MAN1A2: variants seen among roughly 807,000 people sequenced by gnomAD.
MAN1A2 encodes the protein mannosyl-oligosaccharide 1,2-alpha-mannosidase IB.
MAN1A2 carries 26 observed loss-of-function variants against 75.7 expected under a neutral mutation model. That is an observed-to-expected ratio of 0.34 (90% CI 0.25 to 0.48). MAN1A2 has a LOEUF of 0.48. MAN1A2 is among the 20% of genes least tolerant of loss of function. The pLI is 0.99. For synonymous variants in MAN1A2, 247 were observed against 264.6 expected (o/e 0.93, Z 0.65); for missense variants, 562 against 775.5 (o/e 0.72, Z 3.27).
intron 1 of MAN1A2, among the ~76,000 whole-genome samples, chr1:117,376,714 C>T (rs1653157705): frequency 1.3e-5 from 2 of 152,206 alleles, no homozygotes; most frequent in South Asian, 4.1e-4. Flanking sequence ...ACAGTTGGCC[C>T]TCTGTATCCA....
chr1:117,421,122 A>T (rs903581062), intron 5 of MAN1A2, among the ~76,000 whole-genome samples: 3 of 152,086 alleles, frequency 2.0e-5, no homozygotes, highest in African/African-American at 4.8e-5. Context: ...TACAGAACAC[A>T]TGGAGACACT....
At chr1:117,494,163 C>T (rs1205977648) in intron 9 of MAN1A2, 4 of 152,040 alleles carry the variant, frequency 2.6e-5, no homozygotes, top group African/African-American at 9.7e-5. Flanking sequence ...GCTGCCGAGC[C>T]AGTGTTTTTA....
intron 6 of MAN1A2, among the ~76,000 whole-genome samples, chr1:117,446,321 A>G (rs1649235120): frequency 6.6e-6 from 1 of 151,548 alleles, no homozygotes; most frequent in African/African-American, 2.4e-5. Context: ...TATTGGAGCT[A>G]CTTTGCTCTT....
intron 1 of MAN1A2, among the ~76,000 whole-genome samples, chr1:117,395,542 C>T (rs1337239172): frequency 1.3e-5 from 2 of 152,106 alleles, no homozygotes; most frequent in African/African-American, 2.4e-5. Flanking sequence ...TGCCCTTGCT[C>T]TTCAAGGATC....
chr1:117,385,080 A>G (rs1653481173), intron 1 of MAN1A2, among the ~76,000 whole-genome samples: 1 of 152,228 alleles, frequency 6.6e-6, no homozygotes. Flanking sequence ...TCAGTGGAAC[A>G]GCCTATGAGG....
At chr1:117,434,852 G>C (rs961013482) in intron 5 of MAN1A2, among the ~76,000 whole-genome samples, 9 of 151,000 alleles carry the variant, frequency 6.0e-5, no homozygotes, top group African/African-American at 1.9e-4. Context: ...TGGCACCTTG[G>C]ACTAAGATGG....
At chr1:117,472,023 G>T (rs1650176846) in intron 8 of MAN1A2, among the ~76,000 whole-genome samples, 1 of 151,854 alleles carries the variant, frequency 6.6e-6, no homozygotes, top group African/African-American at 2.4e-5. Flanking sequence ...ATATAATACG[G>T]ATCTGGATCT....
In MAN1A2 at chr1:117,427,217, GC is replaced by G. The variant is rs201359775; in HGVS notation, c.855+6569del. 7.5e-3 allele frequency among the ~76,000 whole-genome samples: 1,147 copies of G among 152,098 alleles called. 7 individuals carry two copies. The highest frequency in any genetic ancestry group is 0.026 in the African/African-American group (1,091 of 41,486). ...CTGTTCTAAGGTAACCCAGATACTG[GC>G]ATTAGTTGACAAGGATGTTAAAGCA... On this transcript the variant is annotated intron_variant, in intron 5 of 12. Transcript: ENST00000356554.
At chr1:117,512,975 A>T (rs1380757138) in intron 12 of MAN1A2, among the ~76,000 whole-genome samples, 13 of 152,164 alleles carry the variant, frequency 8.5e-5, no homozygotes, top group African/African-American at 3.1e-4. Flanking sequence ...TAGTCTTTTT[A>T]AAAAAACTTT....
intron 3 of MAN1A2, among the ~76,000 whole-genome samples, chr1:117,410,594 C>T (rs1647775659): frequency 6.7e-6 from 1 of 149,570 alleles, no homozygotes; most frequent in African/African-American, 2.5e-5. Context: ...GAGATCCTAG[C>T]CAGTGCACTA....
intron 2 of MAN1A2, among the ~76,000 whole-genome samples, chr1:117,403,484 A>G (rs1647509831): frequency 6.6e-6 from 1 of 152,102 alleles, no homozygotes; most frequent in Non-Finnish European, 1.5e-5. Context: ...GTACTGAAAT[A>G]CTTTTTTCAA....
chr1:117,408,229 T>G (rs1228290179), intron 3 of MAN1A2, among the ~76,000 whole-genome samples: 1 of 149,040 alleles, frequency 6.7e-6, no homozygotes, highest in Non-Finnish European at 1.5e-5. Flanking sequence ...TGGGGCACCA[T>G]GATCATGATG....
At chr1:117,394,681 G>A (rs1653850994) in intron 1 of MAN1A2, among the ~76,000 whole-genome samples, 1 of 152,158 alleles carries the variant, frequency 6.6e-6, no homozygotes, top group South Asian at 2.1e-4. Context: ...AATGATCAGA[G>A]GCCTGTTGGT....
rs1650140101 is a variant in MAN1A2 at position 117,471,110 on chromosome 1, T to G, written c.1168+4683T>G. Among the ~76,000 whole-genome samples the G allele has an allele frequency of 2.6e-5, 4 of 151,806 alleles. No individual in the cohort carries two copies. The South Asian group carries it at 8.3e-4, about 31-fold the overall frequency. Reference sequence around the variant, plus strand: ...TTTAATGATTAAAGTGAAGAAAATATAGGAAATCAGTCATTACTGATTCAT... The same window carrying G: ...TTTAATGATTAAAGTGAAGAAAATAGAGGAAATCAGTCATTACTGATTCAT... On this transcript the variant is annotated intron_variant, in intron 8 of 12. Coordinates refer to ENST00000356554, the MANE Select transcript of MAN1A2 (RefSeq NM_006699.5).
intron 1 of MAN1A2, among the ~76,000 whole-genome samples, chr1:117,398,078 G>C (rs554441030): frequency 7.2e-4 from 110 of 152,246 alleles, no homozygotes; most frequent in Admixed American, 1.4e-3. Flanking sequence ...TTATATGCCA[G>C]GTAGTGTCCT....
At chr1:117,450,399 C>T (rs192881050) in intron 6 of MAN1A2, among the ~76,000 whole-genome samples, 158 of 152,236 alleles carry the variant, frequency 1.0e-3, no homozygotes, top group African/African-American at 3.8e-3. Flanking sequence ...ATAAGGGAAG[C>T]AGAGCATAGA....
At chr1:117,473,242 T>C (rs1650218327) in intron 8 of MAN1A2, among the ~76,000 whole-genome samples, 1 of 151,986 alleles carries the variant, frequency 6.6e-6, no homozygotes, top group African/African-American at 2.4e-5. Flanking sequence ...CTTGTTGTCA[T>C]CCTTTACTTC....
chr1:117,490,657 A>G (rs1014750816), intron 8 of MAN1A2, among the ~76,000 whole-genome samples: 2 of 152,098 alleles, frequency 1.3e-5, no homozygotes, highest in Admixed American at 1.3e-4. Flanking sequence ...ACTTTACATC[A>G]AAAGCTAGAT....
At chr1:117,458,523 A>ATATTTTTTTTTTTTTTTTT (rs1553236643) in intron 6 of MAN1A2, among the ~76,000 whole-genome samples, 3 of 105,608 alleles carry the variant, frequency 2.8e-5, no homozygotes, top group Non-Finnish European at 4.0e-5. Flanking sequence ...ATATATATAT[A>ATATTTTTTTTTTTTTTTTT]TTTTTTTTTT....
Sources: allele counts gnomAD v4.1 joint callset (sites outside exome capture counted in the v4.1 genomes callset), GRCh38; gene constraint gnomAD v4.1.1; transcripts MANE v1.5; gene names NCBI Gene and HGNC (gene_info 2026-07-23, HGNC 2026-07-21).